The following ZNF804B variants were observed in gnomAD, a reference collection of about 807,000 sequenced individuals.
ZNF804B encodes the protein zinc finger protein 804B.
Under a neutral mutation model 101.4 loss-of-function variants are expected in ZNF804B, and 80 were observed. The ratio of observed to expected loss-of-function variants is 0.79; its 90% CI spans 0.66 to 0.95. ZNF804B has a LOEUF of 0.95. ZNF804B is among the 40% of genes least tolerant of loss of function. The probability of loss-of-function intolerance (pLI) is 0.00; values close to 1 mark genes in which losing one functional copy is unlikely to be tolerated. For missense variants in ZNF804B, 1,673 were observed against 1,561.9 expected, an observed-to-expected ratio of 1.07 and a Z score of -1.20; for synonymous variants, 622 against 558.8, an observed-to-expected ratio of 1.11 and a Z score of -1.59.
At chr7:89,073,033 G>C (rs550472109) in intron 1 of ZNF804B, among the ~76,000 whole-genome samples, 1 of 152,168 alleles carries the variant, frequency 6.6e-6, no homozygotes, top group South Asian at 2.1e-4. Context: ...AATAAAGACT[G>C]TTGACCCATT....
chr7:88,759,877 C>G lies in ZNF804B; in HGVS notation c.-100C>G. 1 of 934,100 alleles carries G rather than the reference C, an allele frequency of 1.1e-6. No homozygotes were observed. The highest frequency in any genetic ancestry group is 1.4e-5 in the South Asian group (1 of 71,134). The allele number at this position is 934,100 out of a possible 1,614,324, so 57.9% of individuals were successfully genotyped here. ...CTGCGTCCTGCTGGCCGCGTCTTCT[C>G]GGGAGGTGGTAGTCGCTGTTGCCGC... is the stretch of plus-strand genomic sequence containing the variant. On this transcript the variant is annotated 5_prime_UTR_variant, in exon 1 of 4. Transcript: ENST00000333190.
At chr7:89,163,033 A>T (rs888226871) in intron 1 of ZNF804B, among the ~76,000 whole-genome samples, 1 of 151,968 alleles carries the variant, frequency 6.6e-6, no homozygotes, top group Non-Finnish European at 1.5e-5. Flanking sequence ...ATAGAATTCC[A>T]TGGTGTATAT....
chr7:89,235,118 T>C (rs6465190), intron 2 of ZNF804B, among the ~76,000 whole-genome samples: 44,014 of 152,030 alleles, frequency 0.29, 6,594 homozygotes, highest in South Asian at 0.34. Flanking sequence ...CTTATCTTTT[T>C]ATTCTCTATG....
chr7:88,915,655 T>C (rs1421584999), intron 1 of ZNF804B, among the ~76,000 whole-genome samples: 3 of 151,938 alleles, frequency 2.0e-5, no homozygotes, highest in Non-Finnish European at 2.9e-5. Flanking sequence ...ACTAAATTAT[T>C]TTCAATAGAC....
intron 1 of ZNF804B, among the ~76,000 whole-genome samples, chr7:88,967,895 T>C (rs1793480675): frequency 6.6e-6 from 1 of 151,598 alleles, no homozygotes; most frequent in South Asian, 2.1e-4. Flanking sequence ...TTAATGGAAA[T>C]ATTTAGTCTA....
chr7:89,173,769 A>T (rs1239247216), intron 1 of ZNF804B, among the ~76,000 whole-genome samples: 1 of 151,724 alleles, frequency 6.6e-6, no homozygotes, highest in African/African-American at 2.4e-5. Flanking sequence ...TCCATCCATC[A>T]TCTAGCTGTA....
chr7:89,016,302 C>G (rs1267717182), intron 1 of ZNF804B, among the ~76,000 whole-genome samples: 1 of 151,762 alleles, frequency 6.6e-6, no homozygotes, highest in African/African-American at 2.4e-5. Flanking sequence ...GTTCACTCTG[C>G]TGGTAGTTTC....
chr7:89,071,051 A>T (rs889910254), intron 1 of ZNF804B, among the ~76,000 whole-genome samples: 4 of 152,150 alleles, frequency 2.6e-5, no homozygotes, highest in African/African-American at 9.7e-5. Context: ...CCTCTTGTAT[A>T]ATTTAAATCA....
chr7:88,794,334 A>G (rs1030508962), intron 1 of ZNF804B: 4 of 1,613,830 alleles, frequency 2.5e-6, no homozygotes, highest in Admixed American at 1.7e-5. Flanking sequence ...GGTCAGGTGC[A>G]ACTTGGTGTA....
At chr7:89,261,396 GTCT>G (rs1428436007) in intron 2 of ZNF804B, among the ~76,000 whole-genome samples, 2 of 151,648 alleles carry the variant, frequency 1.3e-5, no homozygotes, top group East Asian at 1.9e-4. Context: ...ATATATATTT[GTCT>G]TCAAGTTTTT....
In ZNF804B at chr7:89,191,748, C is replaced by G. The variant is rs180941049; in HGVS notation, c.109-26407C>G. On this transcript the variant is annotated intron_variant, in intron 1 of 3. Transcript: ENST00000333190. ...ATAAAGCAAAAATAAAATTTACCAC[C>G]AGGACAAACAGCCTGTATGAAAACG... is the stretch of plus-strand genomic sequence containing the variant. Among the ~76,000 whole-genome samples the G allele has an allele frequency of 5.1e-4, 78 of 152,000 alleles. 1 individual carries two copies. The East Asian group carries it at 0.013, about 25-fold the overall frequency.
rs138429176 is a variant in ZNF804B at position 89,334,966 on chromosome 7, A to G, written c.1984A>G (p.Thr662Ala). Residue 662 changes from threonine to alanine, a missense_variant, in exon 4 of 4, where the codon ACA (threonine) becomes GCA (alanine). Coordinates refer to ENST00000333190, the MANE Select transcript of ZNF804B (RefSeq NM_181646.5). ...RQFNCKSSPCTVGGHSDHGKD... is the reference protein window; with the variant it reads ...RQFNCKSSPCAVGGHSDHGKD... ...ATTCAACTGCAAGTCCAGTCCTTGT[A>G]CAGTAGGGGGTCACAGTGACCATGG... 2 of 1,613,812 alleles carry G rather than the reference A, an allele frequency of 1.2e-6. No homozygotes were observed. Among genetic ancestry groups the G allele is most frequent in the African/African-American group, 1.3e-5 (1 of 74,910 alleles).
chr7:89,128,330 A>G (rs1269025443), intron 1 of ZNF804B, among the ~76,000 whole-genome samples: 1 of 151,962 alleles, frequency 6.6e-6, no homozygotes, highest in Non-Finnish European at 1.5e-5. Context: ...CTCCCCAATG[A>G]AAGCTAGATT....
At chr7:88,763,948 T>C (rs1036667363) in intron 1 of ZNF804B, among the ~76,000 whole-genome samples, 2 of 152,184 alleles carry the variant, frequency 1.3e-5, no homozygotes, top group African/African-American at 4.8e-5. Context: ...AGTTGGCTGC[T>C]CAATTTAATA....
intron 1 of ZNF804B, among the ~76,000 whole-genome samples, chr7:88,937,983 A>G (rs1303014690): frequency 2.0e-5 from 3 of 152,092 alleles, no homozygotes; most frequent in Non-Finnish European, 4.4e-5. Flanking sequence ...GGTCCTGGGA[A>G]CATGTGCCCA....
At chr7:89,182,596 A>AAT (rs1429882354) in intron 1 of ZNF804B, among the ~76,000 whole-genome samples, 1 of 152,184 alleles carries the variant, frequency 6.6e-6, no homozygotes, top group East Asian at 1.9e-4. Flanking sequence ...CCTTGTACAA[A>AAT]ATAAACTTGC....
chr7:88,824,283 A>T (rs1219503568), intron 1 of ZNF804B, among the ~76,000 whole-genome samples: 1 of 152,134 alleles, frequency 6.6e-6, no homozygotes, highest in African/African-American at 2.4e-5. Context: ...TAATTGCATC[A>T]TGGGGGCGGT....
At chr7:88,961,553 T>C (rs73705602) in intron 1 of ZNF804B, among the ~76,000 whole-genome samples, 18,040 of 151,352 alleles carry the variant, frequency 0.12, 1,251 homozygotes, top group South Asian at 0.19. Context: ...GCTTTTAAAA[T>C]GAAAAGAAAA....
intron 1 of ZNF804B, among the ~76,000 whole-genome samples, chr7:88,874,483 C>T (rs1178737957): frequency 2.0e-5 from 3 of 151,930 alleles, no homozygotes; most frequent in African/African-American, 7.3e-5. Flanking sequence ...GCCTAATTGC[C>T]CTGGCTAGAA....
Sources: allele counts gnomAD v4.1 joint callset (sites outside exome capture counted in the v4.1 genomes callset), GRCh38; gene constraint gnomAD v4.1.1; transcripts MANE v1.5; gene names NCBI Gene and HGNC (gene_info 2026-07-23, HGNC 2026-07-21).